Variants in MAP3K20 observed in about 807,000 individuals in gnomAD.
The protein encoded by MAP3K20 is mitogen-activated protein kinase kinase kinase 20.
MAP3K20 carries 40 observed loss-of-function variants against 85.7 expected under a neutral mutation model. That is an observed-to-expected ratio of 0.47 (90% CI 0.36 to 0.61). MAP3K20 has a LOEUF of 0.61. Ranked by LOEUF, MAP3K20 falls within the 20% of genes least tolerant of loss-of-function variation. The pLI is 0.00. For synonymous variants in MAP3K20, 325 were observed against 327.7 expected, an observed-to-expected ratio of 0.99 and a Z score of 0.09; for missense variants, 817 against 961.7, an observed-to-expected ratio of 0.85 and a Z score of 1.99.
At chr2:173,103,291 G>T (rs1687688770) in intron 2 of MAP3K20, among the ~76,000 whole-genome samples, 1 of 152,096 alleles carries the variant, frequency 6.6e-6, no homozygotes, top group Admixed American at 6.6e-5. Flanking sequence ...AACCTTATGT[G>T]CAAAGAAGCC....
chr2:173,221,769 T>C, intron 11 of MAP3K20: 1 of 1,197,306 alleles, frequency 8.4e-7, no homozygotes, highest in Non-Finnish European at 1.0e-6. Context: ...GGTGCCTGAT[T>C]ATAGAAATTT....
intron 16 of MAP3K20, among the ~76,000 whole-genome samples, chr2:173,244,907 C>G (rs1684879000): frequency 6.6e-6 from 1 of 152,190 alleles, no homozygotes; most frequent in Admixed American, 6.5e-5. Context: ...ACCCCCACCT[C>G]CATGACCGGA....
intron 2 of MAP3K20, among the ~76,000 whole-genome samples, chr2:173,120,755 T>TGGA (rs1688262483): frequency 7.6e-6 from 1 of 131,054 alleles, no homozygotes; most frequent in East Asian, 2.5e-4. Flanking sequence ...TTGCCTAGGC[T>TGGA]GGAGTGCAGT....
chr2:173,197,367 G>A (rs1037330160), intron 7 of MAP3K20, among the ~76,000 whole-genome samples: 1 of 152,120 alleles, frequency 6.6e-6, no homozygotes, highest in Admixed American at 6.5e-5. Flanking sequence ...CTTTCACATA[G>A]TCAGCTTATA....
rs529198862 is a variant in MAP3K20 at position 173,150,144 on chromosome 2, A to G, written c.160-19661A>G. 4.5e-4 allele frequency among the ~76,000 whole-genome samples: 68 copies of G among 152,260 alleles called. 1 individual carries two copies. Among genetic ancestry groups the G allele is most frequent in the Non-Finnish European group, 8.1e-4 (55 of 68,040 alleles). ...GCAAATGTGGTGATTGTGAGTCTAA[A>G]GATGGTACGCCAGATTCCATATCCT... On this transcript the variant is annotated intron_variant, in intron 2 of 19. Coordinates refer to ENST00000375213, the MANE Select transcript of MAP3K20 (RefSeq NM_016653.3).
At chr2:173,258,583 A>T (rs2106354085) in intron 16 of MAP3K20, 116 bp from the exon 17 acceptor site, 2 of 611,500 alleles carry the variant, frequency 3.3e-6, no homozygotes, top group East Asian at 5.6e-5. Flanking sequence ...AAGGAAAAAA[A>T]AAAAAGCCAC....
intron 15 of MAP3K20, among the ~76,000 whole-genome samples, chr2:173,239,050 T>C (rs567796584): frequency 3.9e-5 from 6 of 152,222 alleles, no homozygotes; most frequent in Non-Finnish European, 8.8e-5. Flanking sequence ...TGGGAATAGC[T>C]TGTAAATGCC....
chr2:173,143,634 C>T (rs749110254), intron 2 of MAP3K20, among the ~76,000 whole-genome samples: 1 of 152,206 alleles, frequency 6.6e-6, no homozygotes, highest in Admixed American at 6.5e-5. Flanking sequence ...TATCTGCTCT[C>T]ATGATTTCTG....
At chr2:173,120,146 C>T (rs985668115) in intron 2 of MAP3K20, among the ~76,000 whole-genome samples, 6 of 152,164 alleles carry the variant, frequency 3.9e-5, no homozygotes, top group Admixed American at 6.5e-5. Context: ...CTGCTATAGT[C>T]CACATTTCTG....
intron 1 of MAP3K20, among the ~76,000 whole-genome samples, chr2:173,077,360 C>A (rs906566647): frequency 8.1e-6 from 1 of 123,368 alleles, no homozygotes. Flanking sequence ...AGTGAAATTT[C>A]ACTTGTTTTT....
chr2:173,246,436 G>C lies in MAP3K20; in HGVS notation c.1359+6940G>C, dbSNP rs754561739. Among the ~76,000 whole-genome samples, 12 of 152,278 alleles carry C rather than the reference G, an allele frequency of 7.9e-5. No individual in the cohort carries two copies. In the South Asian group the frequency reaches 1.7e-3, roughly 21 times the overall value. ...CTTCCAGAATCTCAGGCGACTTCAT[G>C]CGCTCCCCAGGGTGGCAACCACCCC... is the stretch of plus-strand genomic sequence containing the variant. On this transcript the variant is annotated intron_variant, in intron 16 of 19. Coordinates refer to ENST00000375213, the MANE Select transcript of MAP3K20 (RefSeq NM_016653.3).
chr2:173,230,866 C>G (rs1432453350), intron 12 of MAP3K20, among the ~76,000 whole-genome samples: 4 of 152,020 alleles, frequency 2.6e-5, no homozygotes, highest in Non-Finnish European at 5.9e-5. Context: ...TGTGGTGGCA[C>G]ATGCCTATAA....
chr2:173,208,355 A>C (rs1266787890), intron 9 of MAP3K20, among the ~76,000 whole-genome samples: 1 of 151,696 alleles, frequency 6.6e-6, no homozygotes, highest in Non-Finnish European at 1.5e-5. Flanking sequence ...CTATGATCAC[A>C]CCACTGCATT....
chr2:173,262,425 C>T (rs978483447), intron 18 of MAP3K20, among the ~76,000 whole-genome samples: 6 of 152,048 alleles, frequency 3.9e-5, no homozygotes, highest in South Asian at 2.1e-4. Context: ...CATGGTAAAA[C>T]GTCATCTCTA....
chr2:173,164,822 T>C (rs995722759), intron 2 of MAP3K20, among the ~76,000 whole-genome samples: 1 of 152,220 alleles, frequency 6.6e-6, no homozygotes, highest in Non-Finnish European at 1.5e-5. Context: ...TGTTAGTCGA[T>C]GTCTGGAAAC....
chr2:173,131,068 G>A (rs540659048), intron 2 of MAP3K20, among the ~76,000 whole-genome samples: 4 of 152,084 alleles, frequency 2.6e-5, no homozygotes, highest in African/African-American at 9.7e-5. Context: ...TGTCTGCCTC[G>A]ATAAAAACCC....
At chr2:173,122,821 G>C (rs896501879) in intron 2 of MAP3K20, among the ~76,000 whole-genome samples, 2 of 152,054 alleles carry the variant, frequency 1.3e-5, no homozygotes, top group South Asian at 2.1e-4. Context: ...TAAATGCACC[G>C]ATCTTGTCTT....
chr2:173,088,764 C>T (rs1416915999), intron 1 of MAP3K20, among the ~76,000 whole-genome samples: 2 of 152,188 alleles, frequency 1.3e-5, no homozygotes, highest in East Asian at 1.9e-4. Context: ...TATACCTACC[C>T]TTGGCAACAT....
Position 173,198,308 on chromosome 2 carries a change from C to T in MAP3K20, c.669+196C>T, listed in dbSNP as rs1690918635. On this transcript the variant is annotated intron_variant, in intron 8 of 19. Transcript: ENST00000375213. This position sits in a 1 kb window ranked among gnomAD's most constrained non-coding sequence, Gnocchi z 5.8. ...TTTACATCTAATTGTTGCAGCTTCA[C>T]GTCGTGATGCTGTAGATCAAAAATT... 9.8e-6 allele frequency: 4 copies of T among 407,856 alleles called. No individual in the cohort carries two copies. The highest frequency in any genetic ancestry group is 6.1e-5 in the South Asian group (2 of 32,910). 25.3% of individuals were successfully genotyped at this position (407,856 alleles called of 1,614,324 possible).
Sources: gnomAD v4.1 joint callset for allele counts (sites outside exome capture counted in the v4.1 genomes callset) on GRCh38, gnomAD v4.1.1 for gene constraint, Gnocchi (gnomAD v3.1) non-coding constraint, MANE v1.5 for transcripts, NCBI Gene and HGNC (gene_info 2026-07-23, HGNC 2026-07-21) for gene names.